CLSTN2: variants seen among roughly 807,000 people sequenced by gnomAD.
CLSTN2 encodes the protein calsyntenin 2, also known as calsyntenin-2.
CLSTN2 carries 48 observed loss-of-function variants against 101.2 expected under a neutral mutation model. The ratio of observed to expected loss-of-function variants is 0.47; its 90% confidence interval spans 0.38 to 0.60. CLSTN2 has a LOEUF of 0.60. Among genes scored for constraint, CLSTN2 ranks in the 20% least tolerant of loss-of-function variants. The pLI, the probability that CLSTN2 is intolerant of heterozygous loss-of-function variation, is 0.00. For synonymous variants in CLSTN2, 481 were observed against 463.6 expected, an observed-to-expected ratio of 1.04 and a Z score of -0.48; for missense variants, 1,160 against 1,238.2, an observed-to-expected ratio of 0.94 and a Z score of 0.95.
chr3:140,471,656 T>G (rs1933851386), intron 8 of CLSTN2, among the ~76,000 whole-genome samples: 1 of 152,162 alleles, frequency 6.6e-6, no homozygotes, highest in African/African-American at 2.4e-5. Flanking sequence ...TCCCAAACTC[T>G]AATAATTGTG....
At position 139,963,625 on chromosome 3, in the gene CLSTN2, C is replaced by G. The variant is rs369309961; in HGVS notation, c.109+28142C>G. Among the ~76,000 whole-genome samples, 28 of 152,284 alleles carry G rather than the reference C, an allele frequency of 1.8e-4. 1 individual carries two copies. In the East Asian group the frequency reaches 2.7e-3, roughly 15 times the overall value. On this transcript the variant is annotated intron_variant, in intron 1 of 16. Transcript: ENST00000458420. ...GTGAGCTTTTTGCTTAGACTGTAAG[C>G]CTTAGAGTCACTCATCACAGTAATC...
intron 2 of CLSTN2, among the ~76,000 whole-genome samples, chr3:140,228,201 ATCT>A (rs1445305674): frequency 6.6e-6 from 1 of 152,196 alleles, no homozygotes; most frequent in African/African-American, 2.4e-5. Context: ...CCCAAGTCAC[ATCT>A]TGAATGCTTT....
rs115896009 is a variant in CLSTN2 at position 140,443,836 on chromosome 3, C to T, written c.788-4683C>T. 4.1e-3 allele frequency among the ~76,000 whole-genome samples: 627 copies of T among 152,240 alleles called. 1 individual carries two copies. The highest frequency in any genetic ancestry group is 0.027 in the Middle Eastern group (8 of 294). On this transcript the variant is annotated intron_variant, in intron 5 of 16. Transcript: ENST00000458420. ...AGCCCACGAGGGGATATAATTTTCC[C>T]CAATCTGCAGATGAAGCAATGGAGG...
At chr3:140,527,173 A>G (rs1935160931) in intron 8 of CLSTN2, among the ~76,000 whole-genome samples, 1 of 152,212 alleles carries the variant, frequency 6.6e-6, no homozygotes, top group African/African-American at 2.4e-5. Context: ...AATATTAATA[A>G]ACTCTGCATG....
rs188516671 is a variant in CLSTN2, at chr3:140,039,422, T to C, written c.109+103939T>C. ...CCATTGCTGTCCCACTGTTAGCTTT[T>C]CCATTTAATTCTCTATTCCTAGCTA... On this transcript the variant is annotated intron_variant, in intron 1 of 16. Coordinates refer to ENST00000458420, the MANE Select transcript of CLSTN2 (RefSeq NM_022131.3). 2.3e-4 allele frequency among the ~76,000 whole-genome samples: 35 copies of C among 152,314 alleles called. 1 individual carries two copies. The East Asian group carries it at 6.2e-3, about 27-fold the overall frequency.
At position 139,963,000 on chromosome 3, in the gene CLSTN2, G is replaced by T. The variant is rs188933261; in HGVS notation, c.109+27517G>T. Among the ~76,000 whole-genome samples the T allele has an allele frequency of 8.8e-5, 13 of 147,958 alleles. No homozygotes were observed. In the East Asian group the frequency reaches 2.7e-3, roughly 30 times the overall value. On this transcript the variant is annotated intron_variant, in intron 1 of 16. Transcript: ENST00000458420. ...TGATTATCTCTTAGGATAACACATT[G>T]ATTTAATATTATTATTATTATTATT... is the stretch of plus-strand genomic sequence containing the variant.
chr3:140,103,163 T>C (rs1390795074), intron 1 of CLSTN2, among the ~76,000 whole-genome samples: 3 of 152,202 alleles, frequency 2.0e-5, no homozygotes, highest in Non-Finnish European at 4.4e-5. Flanking sequence ...ACCTGGGCAT[T>C]GCTTATAGCT....
chr3:140,571,857 CAGA>C lies in CLSTN2; in HGVS notation c.*5610_*5612del, dbSNP rs552167178. The C allele has an allele frequency of 6.6e-6, 1 of 152,236 alleles. No individual in the cohort carries two copies. The highest frequency in any genetic ancestry group is 1.5e-5 in the Non-Finnish European group (1 of 68,086). The allele number at this position is 152,236 out of a possible 1,614,324, so 9.4% of individuals were successfully genotyped here. On this transcript the variant is annotated 3_prime_UTR_variant, in exon 17 of 17. Transcript: ENST00000458420. ...TCCATCCCAGGGAGACAAAAAGAGA[CAGA>C]AGAAGTTACCTCCAGCAGCACCCCA...
chr3:140,076,340 T>A (rs2008488471), intron 1 of CLSTN2, among the ~76,000 whole-genome samples: 1 of 152,314 alleles, frequency 6.6e-6, no homozygotes, highest in Non-Finnish European at 1.5e-5. Context: ...CCTCACCTGC[T>A]TTGTGCTCAT....
At chr3:140,374,473 T>C (rs1025897234) in intron 2 of CLSTN2, among the ~76,000 whole-genome samples, 3 of 152,216 alleles carry the variant, frequency 2.0e-5, no homozygotes, top group Non-Finnish European at 2.9e-5. Flanking sequence ...TGGGTATGTT[T>C]ATTGAAAACA....
intron 8 of CLSTN2, among the ~76,000 whole-genome samples, chr3:140,477,024 A>C (rs1025160615): frequency 6.6e-6 from 1 of 152,166 alleles, no homozygotes; most frequent in Non-Finnish European, 1.5e-5. Flanking sequence ...AAGGCTGTTC[A>C]TTCCATAAGA....
At chr3:140,106,472 C>A (rs759745954) in intron 1 of CLSTN2, among the ~76,000 whole-genome samples, 3 of 152,188 alleles carry the variant, frequency 2.0e-5, no homozygotes, top group Non-Finnish European at 4.4e-5. Context: ...CAGGATGGAG[C>A]AGGAGGTGGG....
intron 1 of CLSTN2, among the ~76,000 whole-genome samples, chr3:140,086,063 CATA>C (rs2008675825): frequency 1.3e-5 from 2 of 152,134 alleles, no homozygotes; most frequent in South Asian, 2.1e-4. Context: ...CCACCAAGTC[CATA>C]ATAATAATAG....
intron 1 of CLSTN2, among the ~76,000 whole-genome samples, chr3:139,938,538 G>C (rs1252738955): frequency 6.6e-6 from 1 of 152,050 alleles, no homozygotes; most frequent in African/African-American, 2.4e-5. Flanking sequence ...ACATATTTTG[G>C]CTATTCAAAA....
chr3:140,331,377 A>T (rs7615503), intron 2 of CLSTN2, among the ~76,000 whole-genome samples: 87,782 of 151,928 alleles, frequency 0.58, 25,918 homozygotes, highest in Non-Finnish European at 0.64. Context: ...CACATGTCTG[A>T]GTCCTCTGAA....
At chr3:140,357,200 A>T (rs530695756) in intron 2 of CLSTN2, among the ~76,000 whole-genome samples, 1 of 152,350 alleles carries the variant, frequency 6.6e-6, no homozygotes, top group African/African-American at 2.4e-5. Context: ...TAAGTGACTA[A>T]CAGATTTTCA....
At chr3:140,261,648 G>A (rs1333832741) in intron 2 of CLSTN2, among the ~76,000 whole-genome samples, 1 of 151,524 alleles carries the variant, frequency 6.6e-6, no homozygotes, top group Non-Finnish European at 1.5e-5. Context: ...TTGACAAGGT[G>A]AGAAATGTTT....
intron 5 of CLSTN2, among the ~76,000 whole-genome samples, chr3:140,436,480 A>T (rs1381655891): frequency 1.3e-5 from 2 of 152,236 alleles, no homozygotes; most frequent in East Asian, 3.8e-4. Context: ...GTCTAGAGAG[A>T]TTCTGTGAGG....
At chr3:140,160,254 T>C (rs936768252) in intron 1 of CLSTN2, among the ~76,000 whole-genome samples, 2 of 152,152 alleles carry the variant, frequency 1.3e-5, no homozygotes, top group African/African-American at 4.8e-5. Flanking sequence ...ATAATCTTTA[T>C]TTTCACTGAC....
Sources: gnomAD v4.1 joint callset for allele counts (sites outside exome capture counted in the v4.1 genomes callset) on GRCh38, gnomAD v4.1.1 for gene constraint, MANE v1.5 for transcripts, NCBI Gene and HGNC (gene_info 2026-07-23, HGNC 2026-07-21) for gene names.